The following VTI1A variants were observed in gnomAD, a reference collection of about 807,000 sequenced individuals.
VTI1A encodes vesicle transport through interaction with t-SNAREs 1A.
In VTI1A, 22 loss-of-function variants were observed where a neutral mutation model predicts 34.9. The ratio of observed to expected loss-of-function variants is 0.63; its 90% CI spans 0.45 to 0.90. VTI1A has a LOEUF of 0.90. Ranked by LOEUF, VTI1A falls within the 40% of genes least tolerant of loss-of-function variation. The pLI, the probability that VTI1A is intolerant of heterozygous loss-of-function variation, is 0.00. For missense variants in VTI1A, 268 were observed against 275.6 expected, an observed-to-expected ratio of 0.97 and a Z score of 0.20; for synonymous variants, 87 against 97.3, an observed-to-expected ratio of 0.89 and a Z score of 0.62.
intron 4 of VTI1A, among the ~76,000 whole-genome samples, chr10:112,536,546 A>G (rs192981975): frequency 0.012 from 1,899 of 152,114 alleles, 16 homozygotes; most frequent in Middle Eastern, 0.024. Context: ...CTTTTTAATG[A>G]TACAAGAAGC....
chr10:112,815,593 C>G lies in VTI1A; in HGVS notation c.*210C>G. Reference sequence around the variant, plus strand: ...TTTCCTTTTCGAGGTTTGTCTTCACCCAGATTCGTTTTTTAGAGGGGAAGG... The same window carrying G: ...TTTCCTTTTCGAGGTTTGTCTTCACGCAGATTCGTTTTTTAGAGGGGAAGG... On this transcript the variant is annotated 3_prime_UTR_variant, in exon 8 of 8. Coordinates refer to ENST00000393077, the MANE Select transcript of VTI1A (RefSeq NM_145206.4). 5.3e-6 allele frequency: 3 copies of G among 567,002 alleles called. No homozygotes were observed. Among genetic ancestry groups the G allele is most frequent in the Non-Finnish European group, 6.3e-6 (2 of 316,572 alleles). The allele number at this position is 567,002 out of a possible 1,614,324, so 35.1% of individuals were successfully genotyped here.
At chr10:112,503,310 A>G (rs1032473914) in intron 3 of VTI1A, among the ~76,000 whole-genome samples, 2 of 152,136 alleles carry the variant, frequency 1.3e-5, no homozygotes, top group Non-Finnish European at 2.9e-5. Context: ...TCTGTTCTCC[A>G]TCTTCATGAG....
At chr10:112,495,868 A>T (rs996780869) in intron 3 of VTI1A, among the ~76,000 whole-genome samples, 2 of 152,214 alleles carry the variant, frequency 1.3e-5, no homozygotes, top group African/African-American at 4.8e-5. Context: ...AAAAGCTTCT[A>T]ATCAGGAAGA....
intron 3 of VTI1A, among the ~76,000 whole-genome samples, chr10:112,496,583 T>C (rs1273151194): frequency 1.3e-5 from 2 of 151,730 alleles, no homozygotes; most frequent in Admixed American, 6.6e-5. Flanking sequence ...AAAAAAAAAA[T>C]TATACATGAA....
intron 7 of VTI1A, among the ~76,000 whole-genome samples, chr10:112,695,936 T>C (rs570999922): frequency 6.6e-6 from 1 of 152,220 alleles, no homozygotes; most frequent in South Asian, 2.1e-4. Flanking sequence ...TAAGTTGTTA[T>C]GTAAGATTTG....
intron 5 of VTI1A, among the ~76,000 whole-genome samples, chr10:112,606,271 G>A (rs1199381919): frequency 1.3e-5 from 2 of 151,856 alleles, no homozygotes; most frequent in African/African-American, 4.8e-5. Flanking sequence ...GTGATCCACC[G>A]ACTTCGGCCT....
intron 3 of VTI1A, among the ~76,000 whole-genome samples, chr10:112,515,586 C>T (rs564203595): frequency 3.0e-4 from 46 of 152,090 alleles, no homozygotes; most frequent in African/African-American, 1.1e-3. Flanking sequence ...GGTCTCACTC[C>T]TCAAATTGAC....
intron 7 of VTI1A, among the ~76,000 whole-genome samples, chr10:112,787,698 C>CTTTTTTTTTTTTTTTTTTTT (rs34862909): frequency 6.8e-5 from 7 of 103,278 alleles, no homozygotes; most frequent in African/African-American, 1.2e-4. Flanking sequence ...TTTTTCTTTT[C>CTTTTTTTTTTTTTTTTTTTT]TTTTTTTTTT....
intron 7 of VTI1A, among the ~76,000 whole-genome samples, chr10:112,674,049 A>G (rs774010176): frequency 1.7e-4 from 26 of 152,186 alleles, no homozygotes; most frequent in Non-Finnish European, 3.4e-4. Context: ...CTTGTGAGAA[A>G]AATGTCCTTG....
At chr10:112,494,587 C>A (rs1315095331) in intron 3 of VTI1A, among the ~76,000 whole-genome samples, 5 of 152,208 alleles carry the variant, frequency 3.3e-5, no homozygotes, top group Non-Finnish European at 5.9e-5. Flanking sequence ...CAGCTCACTG[C>A]AACCTCCGCC....
At chr10:112,608,182 C>CT (rs1845161348) in intron 5 of VTI1A, among the ~76,000 whole-genome samples, 1 of 152,156 alleles carries the variant, frequency 6.6e-6, no homozygotes. Context: ...AAAAATTTTA[C>CT]TTTAAGCCTT....
intron 7 of VTI1A, among the ~76,000 whole-genome samples, 155 bp from the exon 8 acceptor site, chr10:112,815,135 G>GTGCA (rs1343681045): frequency 3.5e-5 from 2 of 56,750 alleles, no homozygotes; most frequent in South Asian, 6.4e-4. Context: ...TCTCTTTCGC[G>GTGCA]CGCGCACACA....
At chr10:112,756,542 T>A (rs1851288858) in intron 7 of VTI1A, among the ~76,000 whole-genome samples, 1 of 152,138 alleles carries the variant, frequency 6.6e-6, no homozygotes, top group South Asian at 2.1e-4. Context: ...AAACACCTAC[T>A]ACATGTCCAA....
chr10:112,827,314 TC>T, the VTI1A span: 1 of 151,838 alleles, frequency 6.6e-6, no homozygotes, highest in Non-Finnish European at 1.5e-5. Flanking sequence ...ATTATGTGGA[TC>T]ACTTAGGCTG....
chr10:112,588,687 G>A (rs1184248157), intron 5 of VTI1A, among the ~76,000 whole-genome samples: 1 of 152,182 alleles, frequency 6.6e-6, no homozygotes, highest in African/African-American at 2.4e-5. Flanking sequence ...AGTAATGCAT[G>A]AAAGGTCATT....
intron 3 of VTI1A, among the ~76,000 whole-genome samples, chr10:112,482,512 C>T (rs1039769820): frequency 1.3e-5 from 2 of 151,862 alleles, no homozygotes; most frequent in African/African-American, 2.4e-5. Flanking sequence ...GAAAAATGGC[C>T]GTAGATGGCA....
intron 5 of VTI1A, among the ~76,000 whole-genome samples, chr10:112,650,777 G>T (rs1431473765): frequency 1.3e-5 from 2 of 152,152 alleles, no homozygotes; most frequent in African/African-American, 4.8e-5. Flanking sequence ...CCAAAACATT[G>T]TTATGCAATG....
At chr10:112,724,800 G>C (rs201145967) in intron 7 of VTI1A, among the ~76,000 whole-genome samples, 2 of 125,670 alleles carry the variant, frequency 1.6e-5, no homozygotes, top group South Asian at 2.5e-4. Context: ...AAAAAAAAAA[G>C]AAAAAAAAAC....
chr10:112,712,707 A>G (rs968679004), intron 7 of VTI1A, among the ~76,000 whole-genome samples: 4 of 152,132 alleles, frequency 2.6e-5, no homozygotes, highest in African/African-American at 9.7e-5. Flanking sequence ...CTGATTTTCC[A>G]CTTGTACTTC....
Sources: allele counts gnomAD v4.1 joint callset (sites outside exome capture counted in the v4.1 genomes callset), GRCh38; gene constraint gnomAD v4.1.1; transcripts MANE v1.5; gene names NCBI Gene and HGNC (gene_info 2026-07-23, HGNC 2026-07-21).